The following SASH1 variants were observed in gnomAD, a reference collection of about 807,000 sequenced individuals.
SASH1 encodes SAM and SH3 domain containing 1, also known as SAM and SH3 domain-containing protein 1.
A neutral mutation model predicts 125.2 loss-of-function variants in SASH1; 44 were observed. That is an observed-to-expected ratio of 0.35 (90% CI 0.28 to 0.45). The LOEUF (loss-of-function observed/expected upper bound fraction) is 0.45. Ranked by LOEUF, SASH1 falls within the 20% of genes least tolerant of loss-of-function variation. The pLI is 1.00. For synonymous variants in SASH1, 639 were observed against 649.1 expected, an observed-to-expected ratio of 0.98 and a Z score of 0.24; for missense variants, 1,426 against 1,614.5, an observed-to-expected ratio of 0.88 and a Z score of 2.00.
At chr6:148,518,603 T>C (rs1157434365) in intron 9 of SASH1, among the ~76,000 whole-genome samples, 1 of 152,228 alleles carries the variant, frequency 6.6e-6, no homozygotes, top group African/African-American at 2.4e-5. Flanking sequence ...TTTCCTTTTT[T>C]CCTCTTCACA....
intron 7 of SASH1, among the ~76,000 whole-genome samples, chr6:148,486,224 G>A (rs2328899): frequency 0.24 from 36,711 of 152,006 alleles, 5,044 homozygotes; most frequent in Middle Eastern, 0.35. Context: ...AGGTTCAAGC[G>A]ATTCTCCTGC....
intron 2 of SASH1, among the ~76,000 whole-genome samples, chr6:148,408,160 T>TTTG (rs1784454851): frequency 6.7e-6 from 1 of 149,102 alleles, no homozygotes; most frequent in South Asian, 2.2e-4. Flanking sequence ...TTTTTTTTTT[T>TTTG]GAGACAGAGT....
At chr6:148,484,739 G>T (rs1778770116) in intron 7 of SASH1, among the ~76,000 whole-genome samples, 1 of 152,120 alleles carries the variant, frequency 6.6e-6, no homozygotes, top group East Asian at 1.9e-4. Context: ...CCAGGAGTTC[G>T]ACACCAACCT....
intron 1 of SASH1, among the ~76,000 whole-genome samples, chr6:148,365,150 A>G (rs757638541): frequency 4.6e-5 from 7 of 152,032 alleles, no homozygotes; most frequent in African/African-American, 7.2e-5. Context: ...GAGAGGAAAA[A>G]GAAAATTTTC....
chr6:148,520,476 C>G (rs1003356185), intron 10 of SASH1: 1 of 153,766 alleles, frequency 6.5e-6, no homozygotes, highest in Admixed American at 6.5e-5. Flanking sequence ...CCGGCTTCCT[C>G]CCCTCTCTCC....
At chr6:148,237,452 A>T in the SASH1 span, 1 of 152,304 alleles carries the variant, frequency 6.6e-6, no homozygotes, top group Non-Finnish European at 1.5e-5. Context: ...CGCATAAGGT[A>T]CCTGCTTACT....
chr6:148,359,862 G>GA (rs1317905197), intron 1 of SASH1, among the ~76,000 whole-genome samples: 1 of 152,162 alleles, frequency 6.6e-6, no homozygotes, highest in African/African-American at 2.4e-5. Context: ...GGATTCAAGT[G>GA]AATCTCCTGC....
chr6:148,510,743 C>G (rs1780067003), intron 8 of SASH1, among the ~76,000 whole-genome samples: 1 of 151,914 alleles, frequency 6.6e-6, no homozygotes, highest in African/African-American at 2.4e-5. Flanking sequence ...TGCCTGTAAT[C>G]CCAGCACTTT....
At chr6:148,362,781 G>A (rs1216239679) in intron 1 of SASH1, among the ~76,000 whole-genome samples, 4 of 152,174 alleles carry the variant, frequency 2.6e-5, no homozygotes, top group Admixed American at 6.6e-5. Context: ...CCAGGAGGTT[G>A]AGGCTGCAGT....
At chr6:148,215,195 T>C in the SASH1 span, among the ~76,000 whole-genome samples, 1 of 152,224 alleles carries the variant, frequency 6.6e-6, no homozygotes, top group Non-Finnish European at 1.5e-5. Flanking sequence ...CCTAGCTTTA[T>C]GTTTTTGTCA....
rs1271289063 is a variant in SASH1 at position 148,495,658 on chromosome 6, A to T, written c.729+7943A>T. ...ACCTATAAATATTCCCAGCAATCTA[A>T]AAAAATGTGTACAATTTTTATAGTT... On this transcript the variant is annotated intron_variant, in intron 8 of 19. Transcript: ENST00000367467. The surrounding 1 kb of genome is among the most constrained non-coding windows in gnomAD (Gnocchi z 4.0). Among the ~76,000 whole-genome samples the T allele has an allele frequency of 6.6e-6, 1 of 152,176 alleles. No homozygotes were observed. Among genetic ancestry groups the T allele is most frequent in the Admixed American group, 6.6e-5 (1 of 15,264 alleles).
intron 2 of SASH1, among the ~76,000 whole-genome samples, chr6:148,432,186 G>A (rs889069298): frequency 7.9e-5 from 12 of 152,118 alleles, no homozygotes; most frequent in African/African-American, 2.7e-4. Flanking sequence ...TGTTGGTTAG[G>A]CTGGTCTCAA....
chr6:148,254,551 G>A, the SASH1 span, among the ~76,000 whole-genome samples: 1 of 152,106 alleles, frequency 6.6e-6, no homozygotes, highest in East Asian at 1.9e-4. Flanking sequence ...TGAATAGATA[G>A]CTCTCCAAAG....
In SASH1 at chr6:148,543,878, G is replaced by T. The variant is rs1184093477; in HGVS notation, c.2408G>T (p.Gly803Val). 1 of 1,614,196 alleles carries T rather than the reference G, an allele frequency of 6.2e-7. No individual in the cohort carries two copies. Among genetic ancestry groups the T allele is most frequent in the Non-Finnish European group, 8.5e-7 (1 of 1,180,034 alleles). The part of the protein sequence containing the change: ...PDTSKSCDPP[G>V]VTGLNKNRRS... ...ACGTCCAAGAGCTGTGACCCACCTG[G>T]TGTGACTGGTTTGAATAAAAACCGA... The change falls in exon 18 of 20, where the codon GGT (glycine) becomes GTT (valine). Residue 803 changes from glycine (G) to valine (V), a missense_variant. By Grantham distance (109) the Gly-to-Val change is moderately radical (BLOSUM62 -3). This residue lies in a region of SASH1 where 634 missense variants were observed against 694.4 expected (regional missense o/e 0.91). Coordinates refer to ENST00000367467, the MANE Select transcript of SASH1 (RefSeq NM_015278.5).
the SASH1 span, among the ~76,000 whole-genome samples, chr6:148,247,840 C>T: frequency 6.6e-6 from 1 of 152,194 alleles, no homozygotes; most frequent in Admixed American, 6.5e-5. Flanking sequence ...GCGCTGCCAC[C>T]CTGGCCACTC....
chr6:148,463,910 G>C (rs1050144249), intron 4 of SASH1, among the ~76,000 whole-genome samples: 3 of 152,122 alleles, frequency 2.0e-5, no homozygotes, highest in Non-Finnish European at 2.9e-5. Flanking sequence ...TGACTCTGCA[G>C]TCGCCCTTCT....
chr6:148,544,216 G>T lies in SASH1; in HGVS notation c.2746G>T (p.Ala916Ser), dbSNP rs139369529. The change falls in exon 18 of 20, where the codon GCA becomes TCA. Residue 916 changes from alanine (A) to serine (S), a missense_variant. Coordinates refer to ENST00000367467, the MANE Select transcript of SASH1 (RefSeq NM_015278.5). This position sits in a 1 kb window ranked among gnomAD's most constrained non-coding sequence, Gnocchi z 6.4. ...LTTKKLEGSI[A>S]ASGRGLSPPQ... ...AACTAAGAAACTGGAGGGCTCAATC[G>T]CAGCCTCTGGTCGCGGCCTGTCACC... 3 of 1,614,144 alleles carry T rather than the reference G, an allele frequency of 1.9e-6. No individual in the cohort carries two copies. The highest frequency in any genetic ancestry group is 2.5e-6 in the Non-Finnish European group (3 of 1,180,036).
At chr6:148,348,260 C>G (rs1582998575) in intron 1 of SASH1, among the ~76,000 whole-genome samples, 1 of 152,296 alleles carries the variant, frequency 6.6e-6, no homozygotes, top group East Asian at 1.9e-4. Flanking sequence ...TCCCAAAGTG[C>G]TGGGATTACA....
chr6:148,500,395 A>G (rs1451992541), intron 8 of SASH1, among the ~76,000 whole-genome samples: 6 of 152,122 alleles, frequency 3.9e-5, no homozygotes, highest in African/African-American at 1.4e-4. Flanking sequence ...ATCGTAATTG[A>G]TGCCACCTGG....
Sources: allele counts gnomAD v4.1 joint callset (sites outside exome capture counted in the v4.1 genomes callset), GRCh38; gene constraint gnomAD v4.1.1; regional missense constraint gnomAD v4.1.1; non-coding constraint Gnocchi (gnomAD v3.1); transcripts MANE v1.5; gene names NCBI Gene and HGNC (gene_info 2026-07-23, HGNC 2026-07-21).